Variants in COL25A1 observed in about 807,000 individuals in gnomAD.
COL25A1 encodes collagen alpha-1(XXV) chain.
Under a neutral mutation model 128.4 loss-of-function variants are expected in COL25A1, and 103 were observed. The ratio of observed to expected loss-of-function variants is 0.80; its 90% CI spans 0.68 to 0.94. The LOEUF is 0.94. Ranked by LOEUF, COL25A1 falls within the 40% of genes least tolerant of loss-of-function variation. The pLI, the probability that COL25A1 is intolerant of heterozygous loss-of-function variation, is 0.00. For missense variants in COL25A1, 745 were observed against 840.0 expected (o/e 0.89, Z 1.40); for synonymous variants, 279 against 277.2 (o/e 1.01, Z -0.06).
intron 32 of COL25A1, among the ~76,000 whole-genome samples, chr4:108,828,990 G>A (rs944053884): frequency 6.6e-6 from 1 of 152,148 alleles, no homozygotes; most frequent in Non-Finnish European, 1.5e-5. Context: ...TATGGTATGG[G>A]TGAGATTACT....
At position 109,120,758 on chromosome 4, in the gene COL25A1, T is replaced by C. The variant is rs562848167; in HGVS notation, c.368-70579A>G. Among the ~76,000 whole-genome samples the C allele has an allele frequency of 4.9e-3, 747 of 151,658 alleles. 3 individuals are homozygous for C. Among genetic ancestry groups the C allele is most frequent in the Non-Finnish European group, 7.4e-3 (502 of 67,856 alleles). On this transcript the variant is annotated intron_variant, in intron 3 of 37. Transcript: ENST00000399132. ...AGAGGGTGGAAGCTACAGTGAGCTG[T>C]GATTGTGCCACTGTCCTCCAGCATG...
At chr4:109,297,944 C>G (rs1725148552) in intron 3 of COL25A1, among the ~76,000 whole-genome samples, 3 of 127,496 alleles carry the variant, frequency 2.4e-5, no homozygotes, top group African/African-American at 9.1e-5. Flanking sequence ...CCAATGTACA[C>G]AGCTATTTAG....
intron 31 of COL25A1, among the ~76,000 whole-genome samples, chr4:108,840,581 A>T (rs1327638489): frequency 6.6e-6 from 1 of 152,188 alleles, no homozygotes; most frequent in Non-Finnish European, 1.5e-5. Context: ...TGGGCCAAAG[A>T]GAGCCAGCCT....
intron 3 of COL25A1, among the ~76,000 whole-genome samples, chr4:109,215,804 T>C (rs1010498070): frequency 6.6e-6 from 1 of 152,094 alleles, no homozygotes; most frequent in Non-Finnish European, 1.5e-5. Context: ...TAGCACATAT[T>C]GGGAGGATGA....
At chr4:109,075,772 C>T (rs572708567) in intron 3 of COL25A1, among the ~76,000 whole-genome samples, 5 of 152,142 alleles carry the variant, frequency 3.3e-5, no homozygotes, top group Admixed American at 6.5e-5. Context: ...ACAATCTATA[C>T]GATCTTATGT....
At chr4:109,162,557 T>C (rs1353068117) in intron 3 of COL25A1, among the ~76,000 whole-genome samples, 1 of 152,200 alleles carries the variant, frequency 6.6e-6, no homozygotes, top group Non-Finnish European at 1.5e-5. Flanking sequence ...TCTCCCTAAC[T>C]ACAATGCAAG....
At chr4:109,183,294 A>G (rs369616818) in intron 3 of COL25A1, among the ~76,000 whole-genome samples, 7 of 152,096 alleles carry the variant, frequency 4.6e-5, no homozygotes, top group African/African-American at 1.7e-4. Flanking sequence ...AAATCTACAA[A>G]GGAGAAAAAA....
At chr4:108,853,675 C>A (rs1736107980) in intron 24 of COL25A1, among the ~76,000 whole-genome samples, 1 of 151,720 alleles carries the variant, frequency 6.6e-6, no homozygotes, top group African/African-American at 2.4e-5. Flanking sequence ...TTGCCCCCCA[C>A]CCCCTGACAG....
Position 109,059,661 on chromosome 4 carries a change from A to G in COL25A1, c.368-9482T>C, listed in dbSNP as rs369552482. Among the ~76,000 whole-genome samples, 351 of 152,276 alleles carry G rather than the reference A, an allele frequency of 2.3e-3. 1 individual carries two copies. The highest frequency in any genetic ancestry group is 7.9e-3 in the African/African-American group (328 of 41,558). On this transcript the variant is annotated intron_variant, in intron 3 of 37. Coordinates refer to ENST00000399132, the MANE Select transcript of COL25A1 (RefSeq NM_198721.4). The stretch of plus-strand genomic sequence containing the variant: ...GAACACTCATGGCTCGTCTAAGGGG[A>G]TGTGATTAACACATATTTATGTTTA...
At chr4:109,292,289 T>C (rs1008647816) in intron 3 of COL25A1, among the ~76,000 whole-genome samples, 2 of 152,100 alleles carry the variant, frequency 1.3e-5, no homozygotes, top group Non-Finnish European at 2.9e-5. Flanking sequence ...TTCAGCCTTT[T>C]AAAGAAATGT....
At chr4:109,292,503 T>C (rs186882380) in intron 3 of COL25A1, among the ~76,000 whole-genome samples, 1 of 152,126 alleles carries the variant, frequency 6.6e-6, no homozygotes, top group Non-Finnish European at 1.5e-5. Context: ...GAACTTTCTA[T>C]AGAGAGCTCT....
chr4:109,290,301 C>T (rs1724342425), intron 3 of COL25A1, among the ~76,000 whole-genome samples: 1 of 152,118 alleles, frequency 6.6e-6, no homozygotes, highest in Middle Eastern at 3.4e-3. Context: ...AATTTTACCA[C>T]CAATATATAG....
chr4:109,065,516 A>G (rs1354889586), intron 3 of COL25A1, among the ~76,000 whole-genome samples: 2 of 148,310 alleles, frequency 1.3e-5, no homozygotes, highest in African/African-American at 5.1e-5. Context: ...GCTTGCAAAT[A>G]CCTTTTTGGT....
At chr4:108,957,940 A>G (rs1192011908) in intron 8 of COL25A1, among the ~76,000 whole-genome samples, 2 of 152,170 alleles carry the variant, frequency 1.3e-5, no homozygotes, top group Non-Finnish European at 2.9e-5. Context: ...GTGACCTCTT[A>G]TATTACCCAA....
chr4:109,293,175 C>A (rs1724635364), intron 3 of COL25A1, among the ~76,000 whole-genome samples: 1 of 152,034 alleles, frequency 6.6e-6, no homozygotes, highest in Non-Finnish European at 1.5e-5. Context: ...ACATATTTCA[C>A]TGTAGCATCT....
intron 3 of COL25A1, among the ~76,000 whole-genome samples, chr4:109,230,212 T>C (rs780137271): frequency 3.3e-5 from 5 of 152,140 alleles, no homozygotes; most frequent in Non-Finnish European, 7.4e-5. Flanking sequence ...GGGTTACAAG[T>C]AAATTTTTGC....
chr4:109,080,255 T>A (rs1036677466), intron 3 of COL25A1, among the ~76,000 whole-genome samples: 1 of 152,218 alleles, frequency 6.6e-6, no homozygotes, highest in Non-Finnish European at 1.5e-5. Flanking sequence ...ATTTCTTAAC[T>A]AATTATTAAG....
At chr4:109,090,705 A>G (rs554943770) in intron 3 of COL25A1, among the ~76,000 whole-genome samples, 104 of 152,264 alleles carry the variant, frequency 6.8e-4, no homozygotes, top group African/African-American at 2.4e-3. Flanking sequence ...CAACTGGAAT[A>G]TTATCAGTTT....
intron 3 of COL25A1, among the ~76,000 whole-genome samples, chr4:109,177,602 T>A (rs977159472): frequency 1.3e-5 from 2 of 152,140 alleles, no homozygotes; most frequent in African/African-American, 4.8e-5. Flanking sequence ...CCAGCCAAGA[T>A]GAGTTCCAGG....
Sources: gnomAD v4.1 joint callset for allele counts (sites outside exome capture counted in the v4.1 genomes callset) on GRCh38, gnomAD v4.1.1 for gene constraint, MANE v1.5 for transcripts, NCBI Gene and HGNC (gene_info 2026-07-23, HGNC 2026-07-21) for gene names.